RMND5A: variants seen among roughly 807,000 people sequenced by gnomAD.
RMND5A encodes the protein required for meiotic nuclear division 5 homolog A.
RMND5A carries 17 observed loss-of-function variants against 49.7 expected under a neutral mutation model. That is an observed-to-expected ratio of 0.34 (90% CI 0.23 to 0.51). RMND5A has a LOEUF of 0.51. Among genes scored for constraint, RMND5A ranks in the 20% least tolerant of loss-of-function variants. The pLI, the probability that RMND5A is intolerant of heterozygous loss-of-function variation, is 0.96. For synonymous variants in RMND5A, 156 were observed against 167.7 expected, an observed-to-expected ratio of 0.93 and a Z score of 0.54; for missense variants, 255 against 471.3, an observed-to-expected ratio of 0.54 and a Z score of 4.25.
chr2:86,758,068 T>C (rs1681775963), intron 4 of RMND5A, among the ~76,000 whole-genome samples: 1 of 152,222 alleles, frequency 6.6e-6, no homozygotes, highest in Admixed American at 6.5e-5. Flanking sequence ...ACTGACTCCT[T>C]TTCTCAAAAT....
In RMND5A at chr2:86,767,409, T is replaced by A. The variant is rs537851590; in HGVS notation, c.854+1385T>A. Among the ~76,000 whole-genome samples, 14 of 147,044 alleles carry A rather than the reference T, an allele frequency of 9.5e-5. No individual in the cohort carries two copies. The South Asian group carries it at 3.1e-3, about 32-fold the overall frequency. ...GAATCATTAACATAGTTACGCACAC[T>A]CAGGTTTTTGGCAGTCTTTTTTTTT... is the stretch of plus-strand genomic sequence containing the variant. On this transcript the variant is annotated intron_variant, in intron 6 of 8. Coordinates refer to ENST00000283632, the MANE Select transcript of RMND5A (RefSeq NM_022780.4).
In RMND5A at chr2:86,774,465, G is replaced by C. The variant is rs1672732674; in HGVS notation, c.*1054G>C. ...GTGTTTGAATAGTATAATGTTTGAT[G>C]CCTCTCTTCTGCAAAGCGTATCATC... On this transcript the variant is annotated 3_prime_UTR_variant, in exon 9 of 9. Transcript: ENST00000283632. 6.6e-6 allele frequency: 1 copy of C among 152,616 alleles called. No homozygotes were observed. Among genetic ancestry groups the C allele is most frequent in the Admixed American group, 6.5e-5 (1 of 15,272 alleles). 9.5% of individuals were successfully genotyped at this position (152,616 alleles called of 1,614,324 possible).
At chr2:86,758,103 T>C (rs1681776707) in intron 4 of RMND5A, among the ~76,000 whole-genome samples, 1 of 152,158 alleles carries the variant, frequency 6.6e-6, no homozygotes, top group African/African-American at 2.4e-5. Flanking sequence ...CTTGGTCGAG[T>C]TTTGAGTCAG....
rs530103965 is a variant in RMND5A at position 86,772,999 on chromosome 2, C to T, written c.1113-349C>T. On this transcript the variant is annotated intron_variant, in intron 8 of 8. Transcript: ENST00000283632. The stretch of plus-strand genomic sequence containing the variant: ...TGCTGCCCTTGAATGGATTGTGTGA[C>T]CAGTACATTTGAAATTCATTTAAAG... Among the ~76,000 whole-genome samples the T allele has an allele frequency of 2.6e-5, 4 of 152,168 alleles. No individual in the cohort carries two copies. The East Asian group carries it at 5.8e-4, about 22-fold the overall frequency.
chr2:86,750,704 TCTC>T (rs1303186011), intron 2 of RMND5A, among the ~76,000 whole-genome samples: 1 of 152,092 alleles, frequency 6.6e-6, no homozygotes, highest in East Asian at 1.9e-4. Flanking sequence ...CTGTTTCTCT[TCTC>T]CTAGTATTCC....
chr2:86,764,909 A>G lies in RMND5A; in HGVS notation c.522-118A>G, dbSNP rs1370304186. 13 of 924,796 alleles carry G rather than the reference A, an allele frequency of 1.4e-5. No homozygotes were observed. In the Admixed American group the frequency reaches 2.3e-4, roughly 16 times the overall value. The allele number at this position is 924,796 out of a possible 1,614,324, so 57.3% of individuals were successfully genotyped here. On this transcript the variant is annotated intron_variant, in intron 4 of 8. Coordinates refer to ENST00000283632, the MANE Select transcript of RMND5A (RefSeq NM_022780.4). ...CTGGGCCCTAGGGATTGATGTTACC[A>G]TAGACTTCCACAAGATGGCAGACCA...
chr2:86,762,720 TATATATC>T (rs1672524102), intron 4 of RMND5A, among the ~76,000 whole-genome samples: 1 of 44,250 alleles, frequency 2.3e-5, no homozygotes, highest in African/African-American at 5.8e-5. Flanking sequence ...ATATATATCA[TATATATC>T]ATATATATCA....
chr2:86,749,962 G>A (rs1290513598), intron 2 of RMND5A, among the ~76,000 whole-genome samples: 1 of 152,186 alleles, frequency 6.6e-6, no homozygotes, highest in Non-Finnish European at 1.5e-5. Context: ...TGCAGTTGCT[G>A]TTGCTGGTTA....
intron 4 of RMND5A, among the ~76,000 whole-genome samples, chr2:86,757,089 G>A (rs1334414197): frequency 2.7e-5 from 4 of 150,492 alleles, no homozygotes; most frequent in African/African-American, 9.8e-5. Context: ...CAGGAGAATC[G>A]CTTGAACCCG....
rs1341880389 is a variant in RMND5A at position 86,775,081 on chromosome 2, G to T, written c.*1670G>T. ...TGGCCCAGCTTGGAGTGCTTGTGTG[G>T]TCCAACCTCAGTCTGGCCCCATAGC... On this transcript the variant is annotated 3_prime_UTR_variant, in exon 9 of 9. Coordinates refer to ENST00000283632, the MANE Select transcript of RMND5A (RefSeq NM_022780.4). 1 of 152,728 alleles carries T rather than the reference G, an allele frequency of 6.5e-6. No homozygotes were observed. Among genetic ancestry groups the T allele is most frequent in the African/African-American group, 2.4e-5 (1 of 41,546 alleles). 9.5% of individuals were successfully genotyped at this position (152,728 alleles called of 1,614,324 possible).
intron 8 of RMND5A, 83 bp downstream of exon 8, chr2:86,771,795 A>T (rs1187099348): frequency 1.7e-6 from 2 of 1,148,984 alleles, no homozygotes; most frequent in African/African-American, 3.1e-5. Context: ...ATGAGGATTA[A>T]AAAAATGTAG....
At chr2:86,760,808 C>A (rs1330486977) in intron 4 of RMND5A, among the ~76,000 whole-genome samples, 2 of 152,208 alleles carry the variant, frequency 1.3e-5, no homozygotes, top group African/African-American at 4.8e-5. Context: ...CCTAAGCCTA[C>A]AGGAAGCTAA....
In RMND5A at chr2:86,770,143, T is replaced by C. The variant is rs1483160103; in HGVS notation, c.957+18T>C. On this transcript the variant is annotated intron_variant, in intron 7 of 8. Coordinates refer to ENST00000283632, the MANE Select transcript of RMND5A (RefSeq NM_022780.4). ...AATTACCTGTGAGTTCCATTTTCTA[T>C]TGGCTATTTACTTTTACTGCCATTA... is the stretch of plus-strand genomic sequence containing the variant. 2.0e-6 allele frequency: 3 copies of C among 1,527,510 alleles called. No individual in the cohort carries two copies. Among genetic ancestry groups the C allele is most frequent in the Non-Finnish European group, 2.7e-6 (3 of 1,101,098 alleles). The allele number at this position is 1,527,510 out of a possible 1,614,324, so 94.6% of individuals were successfully genotyped here. A position where few individuals can be genotyped will look rare whatever the true frequency, so the allele number is the denominator to read the frequency against.
chr2:86,756,988 A>C (rs1438070554), intron 4 of RMND5A, among the ~76,000 whole-genome samples: 1 of 152,160 alleles, frequency 6.6e-6, no homozygotes, highest in South Asian at 2.1e-4. Context: ...AGCCTGACCA[A>C]CGTGGAGAAA....
intron 8 of RMND5A, 28 bp from the exon 9 acceptor site, chr2:86,773,320 C>G (rs1672713337): frequency 1.4e-6 from 2 of 1,410,964 alleles, no homozygotes; most frequent in Admixed American, 1.7e-5. Flanking sequence ...CCTGCTCCTT[C>G]ACTCAGTGTT....
intron 1 of RMND5A, among the ~76,000 whole-genome samples, chr2:86,737,558 C>A (rs1456878758): frequency 3.0e-5 from 2 of 66,438 alleles, no homozygotes; most frequent in Non-Finnish European, 5.7e-5. Context: ...TTCATATAGT[C>A]CCATGCATTA....
intron 3 of RMND5A, among the ~76,000 whole-genome samples, chr2:86,752,655 G>A (rs1438746579): frequency 6.6e-6 from 1 of 152,204 alleles, no homozygotes; most frequent in African/African-American, 2.4e-5. Flanking sequence ...CTAAGGTCTG[G>A]AGAAGTAAGT....
At chr2:86,721,676 A>G (rs1681227645) in intron 1 of RMND5A, among the ~76,000 whole-genome samples, 1 of 151,654 alleles carries the variant, frequency 6.6e-6, no homozygotes. Context: ...CTTACACTTT[A>G]GAAGTCACAG....
In RMND5A at chr2:86,774,492, C is replaced by T. The variant is rs1347424219; in HGVS notation, c.*1081C>T. ...CTCTCTTCTGCAAAGCGTATCATCT[C>T]ATTGACTGTGAATCTGTATATTATT... On this transcript the variant is annotated 3_prime_UTR_variant, in exon 9 of 9. Transcript: ENST00000283632. 5 of 152,650 alleles carry T rather than the reference C, an allele frequency of 3.3e-5. No individual in the cohort carries two copies. The highest frequency in any genetic ancestry group is 7.3e-5 in the Non-Finnish European group (5 of 68,030). 9.5% of individuals were successfully genotyped at this position (152,650 alleles called of 1,614,324 possible). A position where few individuals can be genotyped will look rare whatever the true frequency, so the allele number is the denominator to read the frequency against.
Sources: gnomAD v4.1 joint callset for allele counts (sites outside exome capture counted in the v4.1 genomes callset) on GRCh38, gnomAD v4.1.1 for gene constraint, MANE v1.5 for transcripts, NCBI Gene and HGNC (gene_info 2026-07-23, HGNC 2026-07-21) for gene names.